DCTN4: variants seen among roughly 807,000 people sequenced by gnomAD.
DCTN4 encodes the protein dynactin subunit 4.
DCTN4 carries 23 observed loss-of-function variants against 62.7 expected under a neutral mutation model. The ratio of observed to expected loss-of-function variants is 0.37; its 90% CI spans 0.26 to 0.52. The LOEUF is 0.52. Ranked by LOEUF, DCTN4 falls within the 20% of genes least tolerant of loss-of-function variation. The pLI is 0.92. For missense variants in DCTN4, 514 were observed against 580.4 expected (o/e 0.89, Z 1.18); for synonymous variants, 199 against 202.1 (o/e 0.98, Z 0.13).
intron 8 of DCTN4, 51 bp from the exon 9 acceptor site, chr5:150,723,031 T>C (rs995118436): frequency 1.5e-6 from 2 of 1,366,988 alleles, no homozygotes; most frequent in Non-Finnish European, 2.1e-6. Context: ...ACACACTTTG[T>C]TGATCCATAG....
intron 8 of DCTN4, among the ~76,000 whole-genome samples, chr5:150,727,552 G>A (rs1042659666): frequency 5.3e-5 from 8 of 151,962 alleles, no homozygotes; most frequent in Non-Finnish European, 8.8e-5. Context: ...CGAGGCGGGC[G>A]GATCACGAGG....
At chr5:150,753,706 A>G in intron 2 of DCTN4, 49 bp from the exon 3 acceptor site, 1 of 1,555,198 alleles carries the variant, frequency 6.4e-7, no homozygotes, top group Non-Finnish European at 8.8e-7. Flanking sequence ...TTTATCAAGG[A>G]ATTCAAGAGA....
chr5:150,739,098 T>C (rs775812047), intron 4 of DCTN4, among the ~76,000 whole-genome samples: 8 of 151,048 alleles, frequency 5.3e-5, no homozygotes, highest in Non-Finnish European at 1.2e-4. Flanking sequence ...AGAGAATCGC[T>C]GGAACTTGAG....
chr5:150,738,395 C>T (rs1760655538), intron 4 of DCTN4, among the ~76,000 whole-genome samples: 1 of 152,168 alleles, frequency 6.6e-6, no homozygotes, highest in Admixed American at 6.5e-5. Context: ...GATCCAACAG[C>T]ATATCATAAA....
chr5:150,712,697 C>T (rs988984698), intron 12 of DCTN4, among the ~76,000 whole-genome samples: 12 of 152,154 alleles, frequency 7.9e-5, no homozygotes, highest in African/African-American at 2.9e-4. Flanking sequence ...AATTTTAGCA[C>T]AAAAATGTCT....
Position 150,711,329 on chromosome 5 carries a change from A to G in DCTN4, c.1203T>C (p.Gly401=), listed in dbSNP as rs928918466. 1 of 1,613,156 alleles carries G rather than the reference A, an allele frequency of 6.2e-7. No individual in the cohort carries two copies. Among genetic ancestry groups the G allele is most frequent in the Non-Finnish European group, 8.5e-7 (1 of 1,180,024 alleles). The change falls in exon 13 of 13, where the codon GGT becomes GGC. Residue 401 remains glycine (G), a synonymous_variant. Coordinates refer to ENST00000447998, the MANE Select transcript of DCTN4 (RefSeq NM_016221.4). Reference sequence around the variant, plus strand: ...GCTGTGGTGTAACTTTGATGAAAATACCCACTTTGTTGGCCTTTCTGAAGG... The same window carrying G: ...GCTGTGGTGTAACTTTGATGAAAATGCCCACTTTGTTGGCCTTTCTGAAGG... ...IIAFRKANKV[G]IFIKVTPQRE...
chr5:150,718,593 AG>A (rs1283199925), intron 10 of DCTN4, among the ~76,000 whole-genome samples: 1 of 152,106 alleles, frequency 6.6e-6, no homozygotes, highest in Non-Finnish European at 1.5e-5. Flanking sequence ...TATTTCACTG[AG>A]GAAATGGGAC....
At chr5:150,722,337 T>C (rs1240122836) in intron 9 of DCTN4, among the ~76,000 whole-genome samples, 1 of 152,188 alleles carries the variant, frequency 6.6e-6, no homozygotes, top group Non-Finnish European at 1.5e-5. Context: ...ATGAAAAGTT[T>C]ACATTTAATT....
intron 12 of DCTN4, among the ~76,000 whole-genome samples, chr5:150,713,934 T>C (rs1031907668): frequency 6.6e-6 from 1 of 151,576 alleles, no homozygotes; most frequent in African/African-American, 2.4e-5. Flanking sequence ...CTGGGCAACA[T>C]GGCAAAACCC....
intron 11 of DCTN4, among the ~76,000 whole-genome samples, chr5:150,718,048 A>T (rs1320950455): frequency 6.6e-6 from 1 of 152,258 alleles, no homozygotes; most frequent in Non-Finnish European, 1.5e-5. Flanking sequence ...TGGTATAAAA[A>T]TAGCAAGGTC....
At position 150,742,257 on chromosome 5, in the gene DCTN4, A is replaced by G; in HGVS notation, c.386-100T>C. 2.5e-6 allele frequency: 3 copies of G among 1,213,464 alleles called. No homozygotes were observed. In the East Asian group the frequency reaches 7.0e-5, roughly 28 times the overall value. 75.2% of individuals were successfully genotyped at this position (1,213,464 alleles called of 1,614,324 possible). ...GGCCATAAAAAGAAACTTAAAACAT[A>G]AGTTATATAGACCATTCTGGTCTAT... On this transcript the variant is annotated intron_variant, in intron 3 of 12. Transcript: ENST00000447998.
At position 150,758,275 on chromosome 5, in the gene DCTN4, T is replaced by C. The variant is rs554584853; in HGVS notation, c.135+584A>G. On this transcript the variant is annotated intron_variant, in intron 1 of 12. Transcript: ENST00000447998. ...GCCAGGGAAGGACAGCATTGTCCTC[T>C]AGCTCCATAAATACACTTTCAGCTT... 17 of 985,674 alleles carry C rather than the reference T, an allele frequency of 1.7e-5. No homozygotes were observed. The East Asian group carries it at 4.5e-4, about 26-fold the overall frequency. 61.1% of individuals were successfully genotyped at this position (985,674 alleles called of 1,614,324 possible).
intron 3 of DCTN4, among the ~76,000 whole-genome samples, chr5:150,744,339 G>C (rs1760880553): frequency 6.6e-6 from 1 of 151,876 alleles, no homozygotes; most frequent in Non-Finnish European, 1.5e-5. Flanking sequence ...GTGATGGGGA[G>C]AATGGAACCA....
At position 150,731,107 on chromosome 5, in the gene DCTN4, C is replaced by T. The variant is rs780084125; in HGVS notation, c.661G>A (p.Ala221Thr). ...QKEIKIEPAQ[A>T]VDEVEPLPED... ...GGTAGAGGTTCCACTTCATCCACAGCCTGAGCTGGCTCAATCTTTATCTCT... is the reference window on the plus strand; with the variant it reads ...GGTAGAGGTTCCACTTCATCCACAGTCTGAGCTGGCTCAATCTTTATCTCT... The change falls in exon 7 of 13, where the codon GCT becomes ACT. Residue 221 changes from alanine to threonine, a missense_variant. By Grantham distance (58) the Ala-to-Thr change is moderately conservative. Transcript: ENST00000447998. 3.6e-5 allele frequency: 58 copies of T among 1,613,334 alleles called. No homozygotes were observed. Among genetic ancestry groups the T allele is most frequent in the Non-Finnish European group, 4.8e-5 (57 of 1,179,408 alleles).
chr5:150,716,005 A>T (rs777450501), intron 11 of DCTN4, among the ~76,000 whole-genome samples: 1 of 152,148 alleles, frequency 6.6e-6, no homozygotes, highest in Non-Finnish European at 1.5e-5. Context: ...CCTGGGTTCA[A>T]GCGATTCTCC....
chr5:150,748,517 G>C (rs1038570556), intron 3 of DCTN4, among the ~76,000 whole-genome samples: 1 of 150,320 alleles, frequency 6.7e-6, no homozygotes, highest in Non-Finnish European at 1.5e-5. Flanking sequence ...ATTCACAATA[G>C]CAAAGACTTG....
At position 150,733,368 on chromosome 5, in the gene DCTN4, C is replaced by T. The variant is rs757861882; in HGVS notation, c.537G>A (p.Ser179=). 1.1e-5 allele frequency: 18 copies of T among 1,608,124 alleles called. No individual in the cohort carries two copies. Among genetic ancestry groups the T allele is most frequent in the East Asian group, 2.2e-5 (1 of 44,768 alleles). Residue 179 remains serine (S), a splice_region_variant and synonymous_variant, in exon 5 of 13, where the codon TCG becomes TCA. Coordinates refer to ENST00000447998, the MANE Select transcript of DCTN4 (RefSeq NM_016221.4). ...RRRNYMPLAF[S]DKYGLGTRLQ... ...AATCATTTTAGTACCAAATTCTCAC[C>T]GAAAAAGCCAGAGGCATATAGTTTC...
rs1862183 is a variant in DCTN4, at chr5:150,710,515, T to G, written c.*634A>C. On this transcript the variant is annotated 3_prime_UTR_variant, in exon 13 of 13. Transcript: ENST00000447998. The stretch of plus-strand genomic sequence containing the variant: ...AAGAACAACTAATACGTGTCCTGTA[T>G]TCACTTAGAAAAAGAGGGCAAATGA... 1 of 153,102 alleles carries G rather than the reference T, an allele frequency of 6.5e-6. No individual in the cohort carries two copies. Among genetic ancestry groups the G allele is most frequent in the Admixed American group, 6.5e-5 (1 of 15,402 alleles). The allele number at this position is 153,102 out of a possible 1,614,324, so 9.5% of individuals were successfully genotyped here.
At chr5:150,712,247 G>A (rs1335555666) in intron 12 of DCTN4, among the ~76,000 whole-genome samples, 1 of 151,758 alleles carries the variant, frequency 6.6e-6, no homozygotes, top group Non-Finnish European at 1.5e-5. Context: ...CTCCTGCCTC[G>A]GCCTCCTGAG....
Sources: allele counts gnomAD v4.1 joint callset (sites outside exome capture counted in the v4.1 genomes callset), GRCh38; gene constraint gnomAD v4.1.1; transcripts MANE v1.5; gene names NCBI Gene and HGNC (gene_info 2026-07-23, HGNC 2026-07-21).